MAGI2: variants seen among roughly 807,000 people sequenced by gnomAD.
The protein encoded by MAGI2 is membrane associated guanylate kinase, WW and PDZ domain containing 2.
Under a neutral mutation model 133.3 loss-of-function variants are expected in MAGI2, and 35 were observed. That is an observed-to-expected ratio of 0.26 (90% confidence interval 0.20 to 0.35). The LOEUF is 0.35. Among genes scored for constraint, MAGI2 ranks in the 10% least tolerant of loss-of-function variants. The pLI is 1.00. For synonymous variants in MAGI2, 729 were observed against 710.6 expected, an observed-to-expected ratio of 1.03 and a Z score of -0.41; for missense variants, 1,636 against 1,863.4, an observed-to-expected ratio of 0.88 and a Z score of 2.25.
chr7:78,659,424 C>CAAAAAAAAAAAAAAAAAAAAAAAAAAACA (rs71085553), intron 2 of MAGI2, among the ~76,000 whole-genome samples: 1 of 23,676 alleles, frequency 4.2e-5, no homozygotes. Context: ...GACTTCATCT[C>CAAAAAAAAAAAAAAAAAAAAAAAAAAACA]AAAAAAAAAA....
At chr7:79,059,999 CCCAA>C (rs1329118029) in intron 1 of MAGI2, among the ~76,000 whole-genome samples, 1 of 152,022 alleles carries the variant, frequency 6.6e-6, no homozygotes, top group Non-Finnish European at 1.5e-5. Context: ...GTTGCTGGGG[CCCAA>C]CCAGTGGCTG....
At chr7:78,430,240 C>CTT (rs545809101) in intron 6 of MAGI2, among the ~76,000 whole-genome samples, 943 of 76,560 alleles carry the variant, frequency 0.012, 36 homozygotes, top group Non-Finnish European at 0.015. Context: ...CTGGAAAAGC[C>CTT]TTTTTTTTTT....
intron 6 of MAGI2, among the ~76,000 whole-genome samples, chr7:78,444,355 T>G (rs556866248): frequency 6.6e-6 from 1 of 152,160 alleles, no homozygotes; most frequent in East Asian, 1.9e-4. Context: ...TAGATGCATT[T>G]TGGTCCATCA....
intron 2 of MAGI2, among the ~76,000 whole-genome samples, chr7:78,746,320 A>C (rs1273419371): frequency 6.6e-6 from 1 of 152,242 alleles, no homozygotes; most frequent in African/African-American, 2.4e-5. Flanking sequence ...TAACGAAGTC[A>C]AATACACTGC....
chr7:79,220,309 T>C (rs1057499255), intron 1 of MAGI2, among the ~76,000 whole-genome samples: 1 of 151,746 alleles, frequency 6.6e-6, no homozygotes, highest in Non-Finnish European at 1.5e-5. Flanking sequence ...CTTAACTACC[T>C]CACGGACAGC....
chr7:78,768,704 T>C (rs1218625095), intron 2 of MAGI2, among the ~76,000 whole-genome samples: 2 of 152,234 alleles, frequency 1.3e-5, no homozygotes, highest in African/African-American at 4.8e-5. Context: ...GCAGAAAGCA[T>C]CTGAAGTGTT....
intron 1 of MAGI2, among the ~76,000 whole-genome samples, chr7:79,125,948 A>G (rs1407235872): frequency 6.6e-6 from 1 of 152,244 alleles, no homozygotes; most frequent in African/African-American, 2.4e-5. Context: ...CAAAGAAGAC[A>G]TGTTTTAGAA....
At chr7:78,344,202 T>G (rs905226214) in intron 8 of MAGI2, among the ~76,000 whole-genome samples, 1 of 152,158 alleles carries the variant, frequency 6.6e-6, no homozygotes, top group African/African-American at 2.4e-5. Flanking sequence ...GACAGACTTT[T>G]TGTCAAATCA....
At chr7:78,114,966 C>T (rs1819715634) in intron 20 of MAGI2, among the ~76,000 whole-genome samples, 1 of 152,244 alleles carries the variant, frequency 6.6e-6, no homozygotes, top group African/African-American at 2.4e-5. Flanking sequence ...GTTGCAGCTA[C>T]TGTAACTTGG....
chr7:79,422,991 A>G (rs934602336), intron 1 of MAGI2, among the ~76,000 whole-genome samples: 1 of 152,100 alleles, frequency 6.6e-6, no homozygotes, highest in South Asian at 2.1e-4. Context: ...CTCATGAAAC[A>G]TAAGAATTAA....
At chr7:79,446,571 C>A (rs775522227) in intron 1 of MAGI2, among the ~76,000 whole-genome samples, 2 of 152,042 alleles carry the variant, frequency 1.3e-5, no homozygotes, top group Admixed American at 1.3e-4. Flanking sequence ...CCAGGTAGAG[C>A]AAGCCATCTA....
rs367985271 is a variant in MAGI2, at chr7:78,783,228, A to G, written c.419-155989T>C. ...CAAGATAAAATCCTCAAGGTTGATC[A>G]GTAAGAATTTTGAATGTAGAGATTT... On this transcript the variant is annotated intron_variant, in intron 2 of 21. Transcript: ENST00000354212. 4.7e-4 allele frequency among the ~76,000 whole-genome samples: 72 copies of G among 152,226 alleles called. No individual in the cohort carries two copies. In the East Asian group the frequency reaches 0.013, roughly 27 times the overall value.
At position 78,469,039 on chromosome 7, in the gene MAGI2, G is replaced by A. The variant is rs568783659; in HGVS notation, c.1045+20722C>T. ...AATGTTAAATAAACAATAAACCAGTGACCAAATTAACATTTATTCTCAATC... is the reference window on the plus strand; with the variant it reads ...AATGTTAAATAAACAATAAACCAGTAACCAAATTAACATTTATTCTCAATC... On this transcript the variant is annotated intron_variant, in intron 6 of 21. Transcript: ENST00000354212. Among the ~76,000 whole-genome samples the A allele has an allele frequency of 7.9e-5, 12 of 152,216 alleles. No individual in the cohort carries two copies. The East Asian group carries it at 2.3e-3, about 29-fold the overall frequency.
intron 3 of MAGI2, chr7:78,617,402 C>T (rs1486548026): frequency 6.6e-6 from 1 of 152,048 alleles, no homozygotes; most frequent in Non-Finnish European, 1.5e-5. Context: ...TCTCTGCAGC[C>T]ATCTTATGTG....
chr7:78,512,658 C>T (rs1795704591), intron 4 of MAGI2, among the ~76,000 whole-genome samples: 1 of 152,140 alleles, frequency 6.6e-6, no homozygotes, highest in Admixed American at 6.5e-5. Context: ...CCTGCCTCGG[C>T]CTCTCAATAT....
intron 2 of MAGI2, among the ~76,000 whole-genome samples, chr7:78,865,399 T>C (rs1305598725): frequency 6.6e-6 from 1 of 152,070 alleles, no homozygotes; most frequent in Non-Finnish European, 1.5e-5. Context: ...GAGGGAAATA[T>C]AGAGTTGGAA....
intron 3 of MAGI2, among the ~76,000 whole-genome samples, chr7:78,532,038 T>C (rs897313678): frequency 2.0e-5 from 3 of 152,186 alleles, no homozygotes; most frequent in Admixed American, 1.3e-4. Flanking sequence ...GTAAGAGCTC[T>C]GACACAGAGT....
At position 78,598,924 on chromosome 7, in the gene MAGI2, A is replaced by G. The variant is rs10225974; in HGVS notation, c.538+28196T>C. ...ACTAGTTTCAAACATACTGAGTTGA[A>G]TGCTTATGGGACATCAAACAGACGT... is the stretch of plus-strand genomic sequence containing the variant. On this transcript the variant is annotated intron_variant, in intron 3 of 21. Transcript: ENST00000354212. Among the ~76,000 whole-genome samples, 1,070 of 152,264 alleles carry G rather than the reference A, an allele frequency of 7.0e-3. 8 individuals carry two copies. The highest frequency in any genetic ancestry group is 0.025 in the African/African-American group (1,030 of 41,550).
At chr7:78,395,751 A>T (rs10237959) in intron 6 of MAGI2, among the ~76,000 whole-genome samples, 80,545 of 151,796 alleles carry the variant, frequency 0.53, 22,295 homozygotes, top group Middle Eastern at 0.64. Context: ...TATGAAAAAA[A>T]TTTTGGGAGA....
Sources: gnomAD v4.1 joint callset for allele counts (sites outside exome capture counted in the v4.1 genomes callset) on GRCh38, gnomAD v4.1.1 for gene constraint, MANE v1.5 for transcripts, NCBI Gene and HGNC (gene_info 2026-07-23, HGNC 2026-07-21) for gene names.